The following DPY19L2 variants were observed in gnomAD, a reference collection of about 807,000 sequenced individuals.
The protein encoded by DPY19L2 is probable C-mannosyltransferase DPY19L2.
In DPY19L2, 34 loss-of-function variants were observed where a neutral mutation model predicts 97.9. The observed-to-expected ratio is 0.35, with a 90% CI of 0.26 to 0.46. The LOEUF (loss-of-function observed/expected upper bound fraction) is 0.46, where lower values mean the gene tolerates loss of function less well. Ranked by LOEUF, DPY19L2 falls within the 20% of genes least tolerant of loss-of-function variation. DPY19L2 has a pLI of 1.00. For missense variants in DPY19L2, 623 were observed against 911.4 expected, an observed-to-expected ratio of 0.68 and a Z score of 4.07; for synonymous variants, 230 against 307.9, an observed-to-expected ratio of 0.75 and a Z score of 2.65.
chr12:63,661,008 C>T lies in DPY19L2; in HGVS notation c.588+336G>A, dbSNP rs376124210. On this transcript the variant is annotated intron_variant, in intron 4 of 21. Transcript: ENST00000324472. ...GCTCATCACTCTTACTGTCCCTTCA[C>T]GTGGTCATCATGCTCACCCACGAGG... The T allele has an allele frequency of 5.7e-4, 92 of 161,894 alleles. No homozygotes were observed. In the East Asian group the frequency reaches 5.9e-3, roughly 10 times the overall value. The allele number at this position is 161,894 out of a possible 1,614,324, so 10.0% of individuals were successfully genotyped here.
At chr12:63,611,010 A>G (rs547166042) in intron 11 of DPY19L2, among the ~76,000 whole-genome samples, 4 of 152,128 alleles carry the variant, frequency 2.6e-5, no homozygotes, top group African/African-American at 9.6e-5. Flanking sequence ...GGAAATGTAA[A>G]TCAAAACCAC....
chr12:63,603,220 CAAAAT>C (rs1885468898), intron 12 of DPY19L2, among the ~76,000 whole-genome samples: 2 of 152,188 alleles, frequency 1.3e-5, no homozygotes, highest in East Asian at 1.9e-4. Context: ...TAAAGAATAA[CAAAAT>C]AAAGCAAAAA....
intron 4 of DPY19L2, among the ~76,000 whole-genome samples, chr12:63,658,294 A>G (rs1363353035): frequency 1.3e-5 from 2 of 152,126 alleles, no homozygotes; most frequent in Non-Finnish European, 2.9e-5. Flanking sequence ...CAGGAGTTTG[A>G]GACCAGCCTG....
intron 4 of DPY19L2, 187 bp downstream of exon 4, chr12:63,661,155 TGA>T (rs750081995): frequency 2.0e-5 from 9 of 447,076 alleles, no homozygotes; most frequent in Admixed American, 9.0e-5. Flanking sequence ...TTCGAGTTCA[TGA>T]GAGAACAGTT....
chr12:63,635,719 AGAG>A (rs905802634), intron 6 of DPY19L2, among the ~76,000 whole-genome samples: 1 of 152,162 alleles, frequency 6.6e-6, no homozygotes, highest in Non-Finnish European at 1.5e-5. Flanking sequence ...AAATGAAGCG[AGAG>A]GAGAAGTTTA....
chr12:63,633,202 G>A (rs61936112), intron 6 of DPY19L2, among the ~76,000 whole-genome samples: 42,593 of 151,612 alleles, frequency 0.28, 6,528 homozygotes, highest in African/African-American at 0.43. Flanking sequence ...AAGAAAAGCC[G>A]AAATTGACAA....
chr12:63,639,974 C>G (rs1002244267), intron 6 of DPY19L2, among the ~76,000 whole-genome samples: 93 of 152,116 alleles, frequency 6.1e-4, no homozygotes, highest in Middle Eastern at 3.4e-3. Flanking sequence ...ATGATAGACT[C>G]GATTAAGAAA....
chr12:63,660,698 T>C (rs1468502747), intron 4 of DPY19L2, among the ~76,000 whole-genome samples: 1 of 152,120 alleles, frequency 6.6e-6, no homozygotes. Context: ...GCTATAAAAA[T>C]ATGAATAAAG....
intron 1 of DPY19L2, chr12:63,666,458 A>G: frequency 4.7e-6 from 2 of 428,654 alleles, no homozygotes; most frequent in South Asian, 3.4e-5. Context: ...TATACATAAG[A>G]CTTCACCTGG....
intron 16 of DPY19L2, among the ~76,000 whole-genome samples, chr12:63,590,478 T>G (rs974738345): frequency 6.6e-6 from 1 of 152,120 alleles, no homozygotes; most frequent in African/African-American, 2.4e-5. Flanking sequence ...ACATTGGTTT[T>G]TTTAAGACAA....
Position 63,560,261 on chromosome 12 carries a change from G to C in DPY19L2, c.*251C>G, listed in dbSNP as rs138719938. On this transcript the variant is annotated 3_prime_UTR_variant, in exon 22 of 22. Coordinates refer to ENST00000324472, the MANE Select transcript of DPY19L2 (RefSeq NM_173812.5). Reference sequence around the variant, plus strand: ...TATATACATTTCTCTTTAAAATTCTGAAATGAACATTTGTTTATGCAGTAT... The same window carrying C: ...TATATACATTTCTCTTTAAAATTCTCAAATGAACATTTGTTTATGCAGTAT... 2.5e-3 allele frequency: 784 copies of C among 313,764 alleles called. 6 individuals carry two copies. Among genetic ancestry groups the C allele is most frequent in the African/African-American group, 0.015 (712 of 46,428 alleles). The allele number at this position is 313,764 out of a possible 1,614,324, so 19.4% of individuals were successfully genotyped here. A position where few individuals can be genotyped will look rare whatever the true frequency, so the allele number is the denominator to read the frequency against.
At chr12:63,641,099 C>T (rs1428615937) in intron 6 of DPY19L2, among the ~76,000 whole-genome samples, 6 of 151,954 alleles carry the variant, frequency 3.9e-5, no homozygotes, top group African/African-American at 1.2e-4. Context: ...AGAGACAGGG[C>T]TTCACCTTGT....
chr12:63,627,304 C>G lies in DPY19L2; in HGVS notation c.804-778G>C, dbSNP rs570135654. ...AAGCAATAATGCAGAATACAAAAAT[C>G]AGATGAAAGATAAAAACCATTTCTT... On this transcript the variant is annotated intron_variant, in intron 6 of 21. Coordinates refer to ENST00000324472, the MANE Select transcript of DPY19L2 (RefSeq NM_173812.5). Among the ~76,000 whole-genome samples, 71 of 152,194 alleles carry G rather than the reference C, an allele frequency of 4.7e-4. 1 individual carries two copies. The South Asian group carries it at 0.014, about 30-fold the overall frequency.
chr12:63,565,933 C>T (rs1388286060), intron 21 of DPY19L2, among the ~76,000 whole-genome samples: 4 of 152,108 alleles, frequency 2.6e-5, no homozygotes, highest in Non-Finnish European at 5.9e-5. Flanking sequence ...CATTATAAAA[C>T]ATAGTCATTT....
intron 6 of DPY19L2, among the ~76,000 whole-genome samples, chr12:63,626,999 G>C (rs546099093): frequency 3.3e-5 from 5 of 152,140 alleles, no homozygotes; most frequent in African/African-American, 1.2e-4. Context: ...AGCTAGTCTC[G>C]AACTCCTGAC....
At chr12:63,646,959 C>G (rs1357228143) in intron 5 of DPY19L2, among the ~76,000 whole-genome samples, 1 of 152,098 alleles carries the variant, frequency 6.6e-6, no homozygotes. Context: ...CCCCAAAAAA[C>G]ATCTTTCTGT....
chr12:63,647,188 A>C, intron 5 of DPY19L2, 57 bp downstream of exon 5: 1 of 1,200,424 alleles, frequency 8.3e-7, no homozygotes, highest in Non-Finnish European at 1.1e-6. Flanking sequence ...GTGAATCATA[A>C]TATTATTAAA....
At chr12:63,588,340 C>G (rs534245647) in intron 16 of DPY19L2, among the ~76,000 whole-genome samples, 1 of 152,282 alleles carries the variant, frequency 6.6e-6, no homozygotes, top group African/African-American at 2.4e-5. Flanking sequence ...TCTGCCTCTA[C>G]TCTACAAATG....
At chr12:63,564,452 G>A (rs575573776) in intron 21 of DPY19L2, among the ~76,000 whole-genome samples, 77 of 152,140 alleles carry the variant, frequency 5.1e-4, no homozygotes, top group African/African-American at 1.8e-3. Flanking sequence ...GTCAACATAC[G>A]TTGAAACTAA....
Sources: gnomAD v4.1 joint callset for allele counts (sites outside exome capture counted in the v4.1 genomes callset) on GRCh38, gnomAD v4.1.1 for gene constraint, MANE v1.5 for transcripts, NCBI Gene and HGNC (gene_info 2026-07-23, HGNC 2026-07-21) for gene names.